PLEKHH2: variants seen among roughly 807,000 people sequenced by gnomAD.
PLEKHH2 encodes pleckstrin homology domain-containing family H member 2.
Under a neutral mutation model 187.9 loss-of-function variants are expected in PLEKHH2, and 129 were observed. The ratio of observed to expected loss-of-function variants is 0.69; its 90% confidence interval spans 0.59 to 0.79. PLEKHH2 has a LOEUF of 0.79. Ranked by LOEUF, PLEKHH2 falls within the 30% of genes least tolerant of loss-of-function variation. The pLI is 0.00. For missense variants in PLEKHH2, 2,076 were observed against 1,751.2 expected, an observed-to-expected ratio of 1.19 and a Z score of -3.31; for synonymous variants, 686 against 605.6, an observed-to-expected ratio of 1.13 and a Z score of -1.95.
intron 28 of PLEKHH2, among the ~76,000 whole-genome samples, chr2:43,763,297 C>T (rs1298148932): frequency 6.6e-6 from 1 of 152,192 alleles, no homozygotes; most frequent in Admixed American, 6.5e-5. Context: ...AGGAAGCACA[C>T]ACAGGTGGGT....
chr2:43,735,924 T>C (rs544632643), intron 19 of PLEKHH2, among the ~76,000 whole-genome samples: 8 of 152,198 alleles, frequency 5.3e-5, no homozygotes, highest in Non-Finnish European at 8.8e-5. Flanking sequence ...AAAATATTCT[T>C]GTTTTAGCTA....
chr2:43,718,494 C>T (rs998114490), intron 15 of PLEKHH2, among the ~76,000 whole-genome samples: 3 of 151,204 alleles, frequency 2.0e-5, no homozygotes, highest in Admixed American at 6.6e-5. Context: ...GCTGAGATGG[C>T]GCCACTGCAC....
chr2:43,676,585 G>C (rs965998535), intron 2 of PLEKHH2, among the ~76,000 whole-genome samples: 18 of 152,052 alleles, frequency 1.2e-4, no homozygotes, highest in African/African-American at 4.3e-4. Flanking sequence ...AGTTGAAAAT[G>C]AGCAGAGATG....
intron 3 of PLEKHH2, among the ~76,000 whole-genome samples, chr2:43,691,384 G>A (rs1210638853): frequency 3.3e-5 from 5 of 152,214 alleles, no homozygotes; most frequent in African/African-American, 1.2e-4. Flanking sequence ...AGTGCGTGCT[G>A]ATTGGCTTGT....
rs114447336 is a variant in PLEKHH2 at position 43,749,249 on chromosome 2, A to T, written c.3653+3286A>T. 5.5e-3 allele frequency among the ~76,000 whole-genome samples: 844 copies of T among 152,286 alleles called. 7 individuals are homozygous for T. Among genetic ancestry groups the T allele is most frequent in the African/African-American group, 0.019 (787 of 41,554 alleles). Reference sequence around the variant, plus strand: ...GTCGTGAATAAAAATTTTTTGGTTGACAGTTGGTTGAGTTTATCCAAAGAC... The same window carrying T: ...GTCGTGAATAAAAATTTTTTGGTTGTCAGTTGGTTGAGTTTATCCAAAGAC... On this transcript the variant is annotated intron_variant, in intron 24 of 29. Transcript: ENST00000282406.
intron 20 of PLEKHH2, among the ~76,000 whole-genome samples, chr2:43,739,842 T>G (rs894598094): frequency 1.3e-5 from 2 of 152,244 alleles, no homozygotes; most frequent in Admixed American, 1.3e-4. Flanking sequence ...CTTCCTTCCC[T>G]TCCGTAGACT....
At chr2:43,703,924 T>C in intron 8 of PLEKHH2, 57 bp from the exon 9 acceptor site, 4 of 406,086 alleles carry the variant, frequency 9.9e-6, no homozygotes, top group Non-Finnish European at 1.7e-5. Flanking sequence ...GTCTTTTTTT[T>C]TTTTTTTTTT....
At chr2:43,652,712 A>T (rs565904907) in intron 2 of PLEKHH2, among the ~76,000 whole-genome samples, 1 of 152,290 alleles carries the variant, frequency 6.6e-6, no homozygotes, top group Non-Finnish European at 1.5e-5. Context: ...TTAGTCCTTC[A>T]CCCTTAAACC....
intron 15 of PLEKHH2, among the ~76,000 whole-genome samples, chr2:43,712,706 T>C (rs1670026447): frequency 6.6e-6 from 1 of 152,168 alleles, no homozygotes; most frequent in Non-Finnish European, 1.5e-5. Context: ...CACGTTTTTT[T>C]CTAATCAGTA....
In PLEKHH2 at chr2:43,743,880, C is replaced by T. The variant is rs1671671599; in HGVS notation, c.3446C>T (p.Thr1149Ile). The T allele has an allele frequency of 1.9e-6, 3 of 1,614,036 alleles. No homozygotes were observed. Among genetic ancestry groups the T allele is most frequent in the Non-Finnish European group, 2.5e-6 (3 of 1,179,962 alleles). ...ASTTVEEFLN[T>I]LNQDTGMRKP... ...ACCACAGTGGAAGAATTTTTGAATA[C>T]TTTGAACCAGGACACAGGAATGAGG... Residue 1149 changes from threonine (T) to isoleucine (I), a missense_variant, in exon 23 of 30, where the codon ACT (threonine) becomes ATT (isoleucine). Transcript: ENST00000282406.
intron 2 of PLEKHH2, among the ~76,000 whole-genome samples, chr2:43,659,836 G>A (rs977278346): frequency 2.0e-5 from 3 of 151,632 alleles, no homozygotes; most frequent in Non-Finnish European, 4.4e-5. Context: ...TGGGATTACA[G>A]GTGTTAGCCA....
At chr2:43,658,172 T>G (rs1666886090) in intron 2 of PLEKHH2, among the ~76,000 whole-genome samples, 1 of 152,234 alleles carries the variant, frequency 6.6e-6, no homozygotes, top group African/African-American at 2.4e-5. Context: ...CTTTTATCTT[T>G]CAGCATAATT....
chr2:43,739,650 G>T (rs1671468711), intron 20 of PLEKHH2, among the ~76,000 whole-genome samples: 1 of 152,208 alleles, frequency 6.6e-6, no homozygotes, highest in Admixed American at 6.5e-5. Flanking sequence ...GGAATCTGAA[G>T]CTTAAGCTTC....
rs956462419 is a variant in PLEKHH2 at position 43,767,430 on chromosome 2, A to G, written c.*1832A>G. Reference sequence around the variant, plus strand: ...AAAGAATATTTTTTAAACCCCATCAAAATAGATTTCAATTGACTGTTTCCC... The same window carrying G: ...AAAGAATATTTTTTAAACCCCATCAGAATAGATTTCAATTGACTGTTTCCC... On this transcript the variant is annotated 3_prime_UTR_variant, in exon 30 of 30. Transcript: ENST00000282406. 1 of 152,368 alleles carries G rather than the reference A, an allele frequency of 6.6e-6. No individual in the cohort carries two copies. Among genetic ancestry groups the G allele is most frequent in the East Asian group, 1.9e-4 (1 of 5,342 alleles). 9.4% of individuals were successfully genotyped at this position (152,368 alleles called of 1,614,324 possible). A position where few individuals can be genotyped will look rare whatever the true frequency, so the allele number is the denominator to read the frequency against.
At chr2:43,696,594 C>A (rs1279643632) in intron 6 of PLEKHH2, among the ~76,000 whole-genome samples, 1 of 147,538 alleles carries the variant, frequency 6.8e-6, no homozygotes, top group Admixed American at 6.7e-5. Context: ...CTTTTTTTTT[C>A]TCTTTAAAGA....
intron 11 of PLEKHH2, among the ~76,000 whole-genome samples, chr2:43,709,396 G>A (rs6544694): frequency 0.09 from 13,658 of 152,138 alleles, 1,402 homozygotes; most frequent in African/African-American, 0.26. Flanking sequence ...TTGCCTATAT[G>A]TCAATGTGTA....
chr2:43,745,772 A>G (rs1027305792), intron 23 of PLEKHH2, 94 bp from the exon 24 acceptor site: 21 of 850,960 alleles, frequency 2.5e-5, no homozygotes, highest in Non-Finnish European at 3.3e-5. Flanking sequence ...GTTTGATCAT[A>G]TTAATTGAAA....
In PLEKHH2 at chr2:43,699,723, C is replaced by G. The variant is rs1206750528; in HGVS notation, c.765C>G (p.Thr255=). The G allele has an allele frequency of 6.2e-7, 1 of 1,614,028 alleles. No individual in the cohort carries two copies. Among genetic ancestry groups the G allele is most frequent in the African/African-American group, 1.3e-5 (1 of 74,914 alleles). The change falls in exon 8 of 30, where the codon ACC becomes ACG. Residue 255 remains threonine (T), a synonymous_variant. Transcript: ENST00000282406. ...GAGGCCAGAGAACATTGCATCAAAC[C>G]CCTTGTGGCTCAGAACAGAATCGGA... ...NNRGQRTLHQ[T]PCGSEQNRKT... is the part of the protein sequence containing the mutation.
At chr2:43,654,968 A>G (rs965622858) in intron 2 of PLEKHH2, among the ~76,000 whole-genome samples, 1 of 151,938 alleles carries the variant, frequency 6.6e-6, no homozygotes, top group South Asian at 2.1e-4. Flanking sequence ...TGGAGGTTGC[A>G]GTGAGCCAGC....
Sources: allele counts gnomAD v4.1 joint callset (sites outside exome capture counted in the v4.1 genomes callset), GRCh38; gene constraint gnomAD v4.1.1; transcripts MANE v1.5; gene names NCBI Gene and HGNC (gene_info 2026-07-23, HGNC 2026-07-21).